ZC3HC1: variants seen among roughly 807,000 people sequenced by gnomAD.
The protein encoded by ZC3HC1 is zinc finger C3HC-type protein 1.
Under a neutral mutation model 61.9 loss-of-function variants are expected in ZC3HC1, and 38 were observed. That is an observed-to-expected ratio of 0.61 (90% CI 0.47 to 0.81). The LOEUF is 0.81. ZC3HC1 is among the 30% of genes least tolerant of loss of function. The pLI, the probability that ZC3HC1 is intolerant of heterozygous loss-of-function variation, is 0.00. For synonymous variants in ZC3HC1, 213 were observed against 229.9 expected (o/e 0.93, Z 0.67); for missense variants, 554 against 622.7 (o/e 0.89, Z 1.17).
chr7:130,050,374 G>T, intron 1 of ZC3HC1: 1 of 1,516,462 alleles, frequency 6.6e-7, no homozygotes, highest in South Asian at 1.2e-5. Context: ...CACCGCGCCC[G>T]GCGACAGGCA....
At chr7:130,024,187 T>G in intron 7 of ZC3HC1, 76 bp downstream of exon 7, 1 of 1,515,704 alleles carries the variant, frequency 6.6e-7, no homozygotes, top group African/African-American at 1.4e-5. Flanking sequence ...CCTAAATTAA[T>G]TTCCAACTTT....
At chr7:130,034,526 G>T (rs1308466910) in intron 4 of ZC3HC1, among the ~76,000 whole-genome samples, 1 of 147,204 alleles carries the variant, frequency 6.8e-6, no homozygotes, top group East Asian at 2.0e-4. Context: ...ACAGGGTCTT[G>T]CTCTGTCATG....
At chr7:130,043,838 C>T (rs1298786630) in intron 2 of ZC3HC1, 1 of 455,454 alleles carries the variant, frequency 2.2e-6, no homozygotes. Flanking sequence ...GGCAGCATGG[C>T]AGAAATGGGA....
intron 4 of ZC3HC1, among the ~76,000 whole-genome samples, chr7:130,037,903 G>T (rs1794487654): frequency 6.6e-6 from 1 of 152,182 alleles, no homozygotes; most frequent in Non-Finnish European, 1.5e-5. Context: ...CCACCAGAGG[G>T]CTCTGCTGTT....
Position 130,039,473 on chromosome 7 carries a change from G to A in ZC3HC1, c.484C>T (p.Pro162Ser). The A allele has an allele frequency of 6.2e-7, 1 of 1,611,850 alleles. No individual in the cohort carries two copies. The highest frequency in any genetic ancestry group is 2.2e-5 in the East Asian group (1 of 44,860). The part of the protein sequence containing the change: ...HEKFCFWPDS[P>S]SPDRFGMLPL... The stretch of plus-strand genomic sequence containing the variant: ...TCTCAAAAATAAGTACCTGGGGATG[G>A]GCTGTCTGGCCAGAAACAGAACTTC... The change falls in exon 4 of 10, where the codon CCA becomes TCA. Residue 162 changes from proline (P) to serine (S), a missense_variant. By Grantham distance (74) the Pro-to-Ser change is moderately conservative (BLOSUM62 -1). Transcript: ENST00000358303.
Position 130,018,709 on chromosome 7 carries a change from T to G in ZC3HC1, c.1464A>C (p.Lys488Asn). Reference protein sequence around the residue: ...DSMSLSEKSRKVFRIFRQWES... With the variant: ...DSMSLSEKSRNVFRIFRQWES... ...CCCACTGCCGAAATATTCGGAATAC[T>G]TTCCTTGATTTCTCAGAGAGACTCT... The change falls in exon 10 of 10, where the codon AAA becomes AAC. Residue 488 changes from lysine (K) to asparagine (N), a missense_variant. Physicochemically the swap from Lys to Asn is moderately conservative, Grantham distance 94 (BLOSUM62 0). Coordinates refer to ENST00000358303, the MANE Select transcript of ZC3HC1 (RefSeq NM_016478.5). 6.2e-7 allele frequency: 1 copy of G among 1,612,602 alleles called. No individual in the cohort carries two copies. Among genetic ancestry groups the G allele is most frequent in the Non-Finnish European group, 8.5e-7 (1 of 1,178,784 alleles).
intron 4 of ZC3HC1, among the ~76,000 whole-genome samples, chr7:130,033,243 AG>A (rs1168955953): frequency 6.6e-6 from 1 of 152,108 alleles, no homozygotes; most frequent in Non-Finnish European, 1.5e-5. Flanking sequence ...TATATTGTCC[AG>A]GCTGGTCTTG....
At chr7:130,028,465 C>T (rs1159506423) in intron 5 of ZC3HC1, among the ~76,000 whole-genome samples, 2 of 152,046 alleles carry the variant, frequency 1.3e-5, no homozygotes, top group East Asian at 3.9e-4. Context: ...TTGCGTGGAC[C>T]TGGGAGGTGG....
chr7:130,043,709 G>T (rs1794764877), intron 2 of ZC3HC1: 1 of 350,374 alleles, frequency 2.9e-6, no homozygotes. Flanking sequence ...CTGCGAAGAG[G>T]CAGCTCAGCC....
At chr7:130,022,648 C>A (rs1009463514) in intron 8 of ZC3HC1, 123 bp from the exon 9 acceptor site, 19 of 1,033,606 alleles carry the variant, frequency 1.8e-5, no homozygotes, top group Middle Eastern at 2.5e-4. Context: ...TTTATGCTCT[C>A]CTTCAAACTT....
At chr7:130,021,064 ATTT>A (rs746887020) in intron 9 of ZC3HC1, among the ~76,000 whole-genome samples, 1 of 144,450 alleles carries the variant, frequency 6.9e-6, no homozygotes. Flanking sequence ...CACATGGCAA[ATTT>A]TTTTTTTTTT....
In ZC3HC1 at chr7:130,037,336, C is replaced by T. The variant is rs61192856; in HGVS notation, c.493+2128G>A. Reference sequence around the variant, plus strand: ...GCACGCGCCTGTAGTCCCAGCTACTCGGGAGGCTGAGGCAGGAGAATTGCT... The same window carrying T: ...GCACGCGCCTGTAGTCCCAGCTACTTGGGAGGCTGAGGCAGGAGAATTGCT... On this transcript the variant is annotated intron_variant, in intron 4 of 9. Coordinates refer to ENST00000358303, the MANE Select transcript of ZC3HC1 (RefSeq NM_016478.5). Among the ~76,000 whole-genome samples, 552 of 152,166 alleles carry T rather than the reference C, an allele frequency of 3.6e-3. 3 individuals carry two copies. The highest frequency in any genetic ancestry group is 0.012 in the African/African-American group (485 of 41,516).
intron 4 of ZC3HC1, among the ~76,000 whole-genome samples, chr7:130,031,301 G>A (rs1460204954): frequency 2.5e-4 from 36 of 145,018 alleles, no homozygotes; most frequent in Non-Finnish European, 4.3e-4. Context: ...CTCCAGCCTG[G>A]GCAACAGAGC....
intron 2 of ZC3HC1, chr7:130,043,322 TA>T (rs534772259): frequency 0.017 from 2,389 of 144,402 alleles, 33 homozygotes; most frequent in Middle Eastern, 0.024. Context: ...CAAAGCACAG[TA>T]AAAAAAAAAG....
At chr7:130,032,071 A>C (rs1794222385) in intron 4 of ZC3HC1, among the ~76,000 whole-genome samples, 1 of 152,080 alleles carries the variant, frequency 6.6e-6, no homozygotes, top group African/African-American at 2.4e-5. Context: ...TAAAAATACA[A>C]AAATTAGCCA....
chr7:130,029,825 C>G (rs1400424369), intron 4 of ZC3HC1, among the ~76,000 whole-genome samples: 1 of 152,026 alleles, frequency 6.6e-6, no homozygotes, highest in African/African-American at 2.4e-5. Flanking sequence ...TTATAACTAC[C>G]AAGTTATAAC....
chr7:130,030,078 A>G (rs1437852471), intron 4 of ZC3HC1, among the ~76,000 whole-genome samples: 1 of 152,192 alleles, frequency 6.6e-6, no homozygotes, highest in Non-Finnish European at 1.5e-5. Flanking sequence ...CATCTACTGC[A>G]TACTTGGTAC....
At chr7:130,049,925 C>CAAA (rs5887460) in intron 1 of ZC3HC1, among the ~76,000 whole-genome samples, 5 of 147,586 alleles carry the variant, frequency 3.4e-5, no homozygotes, top group Non-Finnish European at 6.0e-5. Context: ...CCACTCCTTC[C>CAAA]AAAAAAAAAA....
Position 130,049,054 on chromosome 7 carries a change from A to T in ZC3HC1, c.237T>A (p.Phe79Leu). 6.2e-7 allele frequency: 1 copy of T among 1,606,326 alleles called. No individual in the cohort carries two copies. Among genetic ancestry groups the T allele is most frequent in the Non-Finnish European group, 8.5e-7 (1 of 1,176,946 alleles). Residue 79 changes from phenylalanine to leucine, a missense_variant, in exon 2 of 10, where the codon TTT (phenylalanine) becomes TTA (leucine). By Grantham distance (22) the Phe-to-Leu change is conservative (BLOSUM62 0). Coordinates refer to ENST00000358303, the MANE Select transcript of ZC3HC1 (RefSeq NM_016478.5). ...SLESTSKEAF[F>L]SRVETFSSLK... The stretch of plus-strand genomic sequence containing the variant: ...ATATAGAAAATGTTTCCACTCTGCT[A>T]AAGAAGGCTTCTTTGCTTGTAGATT...
Sources: gnomAD v4.1 joint callset for allele counts (sites outside exome capture counted in the v4.1 genomes callset) on GRCh38, gnomAD v4.1.1 for gene constraint, MANE v1.5 for transcripts, NCBI Gene and HGNC (gene_info 2026-07-23, HGNC 2026-07-21) for gene names.